KIF19: variants seen among roughly 807,000 people sequenced by gnomAD.
The protein encoded by KIF19 is kinesin family member 19, also known as kinesin-like protein KIF19.
Under a neutral mutation model 106.6 loss-of-function variants are expected in KIF19, and 98 were observed. That is an observed-to-expected ratio of 0.92 (90% confidence interval 0.78 to 1.09). KIF19 has a LOEUF of 1.09. Ranked by LOEUF, KIF19 falls within the 50% of genes least tolerant of loss-of-function variation. The probability of loss-of-function intolerance (pLI) is 0.00; values close to 1 mark genes in which losing one functional copy is unlikely to be tolerated. For synonymous variants in KIF19, 516 were observed against 584.2 expected (o/e 0.88, Z 1.68); for missense variants, 1,373 against 1,414.3 (o/e 0.97, Z 0.47).
intron 17 of KIF19, 94 bp from the exon 18 acceptor site, chr17:74,354,068 G>T: frequency 7.3e-7 from 1 of 1,374,154 alleles, no homozygotes; most frequent in South Asian, 1.4e-5. Context: ...TGAAACCCAG[G>T]AGGTCTGGCT....
At chr17:74,352,675 C>A in intron 14 of KIF19, 146 bp from the exon 15 acceptor site, 1 of 1,012,790 alleles carries the variant, frequency 9.9e-7, no homozygotes. Flanking sequence ...AGCTTAACCC[C>A]GAGGACCCAA....
At position 74,331,109 on chromosome 17, in the gene KIF19, A is replaced by AC. The variant is rs1025214990; in HGVS notation, c.120+2611dup. On this transcript the variant is annotated intron_variant, in intron 2 of 19. Transcript: ENST00000389916. The surrounding 1 kb of genome is among the most constrained non-coding windows in gnomAD (Gnocchi z 4.1). ...AACCCAGGAAGCAAAATGCACATGG[A>AC]CCCCCCCTTACCCTTGTCCCCGACC... 1.6e-4 allele frequency among the ~76,000 whole-genome samples: 24 copies of AC among 151,170 alleles called. No homozygotes were observed. Among genetic ancestry groups the AC allele is most frequent in the African/African-American group, 3.7e-4 (15 of 41,028 alleles).
chr17:74,353,723 T>C (rs1001882298), intron 17 of KIF19, 142 bp downstream of exon 17: 14 of 705,582 alleles, frequency 2.0e-5, no homozygotes, highest in Admixed American at 4.5e-5. Context: ...AGAGGCACCA[T>C]TGCCCCTGAG....
At chr17:74,344,718 C>G in intron 6 of KIF19, 43 bp from the exon 7 acceptor site, 1 of 1,576,352 alleles carries the variant, frequency 6.3e-7, no homozygotes, top group Non-Finnish European at 8.7e-7. Context: ...GCCGGAGCAC[C>G]TACGGCAGTC....
chr17:74,333,195 A>G (rs1420224613), intron 2 of KIF19, among the ~76,000 whole-genome samples: 1 of 151,992 alleles, frequency 6.6e-6, no homozygotes, highest in Non-Finnish European at 1.5e-5. Context: ...GAGCTGGTGG[A>G]GAGTGGCTAG....
intron 2 of KIF19, among the ~76,000 whole-genome samples, chr17:74,336,623 A>G (rs955951146): frequency 6.6e-6 from 1 of 152,088 alleles, no homozygotes; most frequent in Non-Finnish European, 1.5e-5. Flanking sequence ...ACCTCTAACA[A>G]GCGGGTACTC....
At chr17:74,337,190 C>T (rs935474443) in intron 2 of KIF19, among the ~76,000 whole-genome samples, 6 of 152,216 alleles carry the variant, frequency 3.9e-5, no homozygotes, top group Non-Finnish European at 7.3e-5. Context: ...TGGCACCATG[C>T]CTGGCACAAT....
At chr17:74,328,778 C>T (rs1323444862) in intron 2 of KIF19, 2 of 343,764 alleles carry the variant, frequency 5.8e-6, no homozygotes, top group African/African-American at 2.1e-5. Context: ...CTTGACTTTC[C>T]CACCCTAATA....
At chr17:74,350,604 C>T in intron 11 of KIF19, 29 bp downstream of exon 11, 1 of 1,610,658 alleles carries the variant, frequency 6.2e-7, no homozygotes. Context: ...ACCCTCCAGG[C>T]CCCACCCCTG....
rs1293026724 is a variant in KIF19, at chr17:74,354,886, G to A, written c.2811G>A (p.Leu937=). 1.3e-6 allele frequency: 2 copies of A among 1,570,478 alleles called. No individual in the cohort carries two copies. The highest frequency in any genetic ancestry group is 2.7e-5 in the African/African-American group (2 of 73,762). Reference sequence around the variant, plus strand: ...ACCCAGCCCCTGGTATCCGGCATCTGGGAAAGGTCACGCTACCTTTGGCCA... The same window carrying A: ...ACCCAGCCCCTGGTATCCGGCATCTAGGAAAGGTCACGCTACCTTTGGCCA... ...CRHPAPGIRH[L]GKVTLPLAKV... The change falls in exon 19 of 20, where the codon CTG becomes CTA. Residue 937 remains leucine, a synonymous_variant. Transcript: ENST00000389916.
At chr17:74,332,179 A>AGT (rs1270595840) in intron 2 of KIF19, among the ~76,000 whole-genome samples, 34 of 117,796 alleles carry the variant, frequency 2.9e-4, no homozygotes, top group East Asian at 9.3e-4. Flanking sequence ...TGAACACCTC[A>AGT]GTGTGTGTGT....
At position 74,341,898 on chromosome 17, in the gene KIF19, T is replaced by G. The variant is rs142434865; in HGVS notation, c.143T>G (p.Met48Arg). ...DEQMVVLMDP[M>R]EDPDDILRAH... ...CAGATGGTGGTTCTCATGGACCCAA[T>G]GGAGGATCCCGACGACATCCTGCGG... Residue 48 changes from methionine (M) to arginine (R), a missense_variant, in exon 3 of 20, where the codon ATG becomes AGG. Physicochemically the swap from Met to Arg is moderately conservative, Grantham distance 91. Transcript: ENST00000389916. The G allele has an allele frequency of 4.4e-4, 705 of 1,613,662 alleles. 1 individual carries two copies. Among genetic ancestry groups the G allele is most frequent in the Non-Finnish European group, 5.7e-4 (677 of 1,179,776 alleles).
chr17:74,327,404 G>A (rs73995238), intron 1 of KIF19, among the ~76,000 whole-genome samples: 7,207 of 152,328 alleles, frequency 0.047, 472 homozygotes, highest in African/African-American at 0.15. Context: ...CCCGCCAGTG[G>A]AATTTGGCTG....
At chr17:74,344,383 A>G (rs1447162717) in intron 6 of KIF19, 35 bp downstream of exon 6, 6 of 1,604,764 alleles carry the variant, frequency 3.7e-6, no homozygotes, top group African/African-American at 1.3e-5. Flanking sequence ...AGCCGCTGAG[A>G]GGAAGCTCAC....
intron 1 of KIF19, among the ~76,000 whole-genome samples, chr17:74,327,579 T>C (rs1355217502): frequency 6.6e-6 from 1 of 152,200 alleles, no homozygotes; most frequent in Non-Finnish European, 1.5e-5. Context: ...TTCAAGCGAT[T>C]CTCCTGCTTC....
At chr17:74,335,799 G>A (rs877791) in intron 2 of KIF19, among the ~76,000 whole-genome samples, 3 of 152,230 alleles carry the variant, frequency 2.0e-5, no homozygotes, top group South Asian at 2.1e-4. Context: ...TCCCCGGGGG[G>A]GCTGTGAGAG....
At chr17:74,351,218 C>G (rs1440551480) in intron 12 of KIF19, 1 of 378,150 alleles carries the variant, frequency 2.6e-6, no homozygotes, top group Non-Finnish European at 5.0e-6. Context: ...CACAGTGACT[C>G]ACACCTGTAA....
chr17:74,340,104 G>A (rs1488217537), intron 2 of KIF19, among the ~76,000 whole-genome samples: 1 of 152,178 alleles, frequency 6.6e-6, no homozygotes, highest in Non-Finnish European at 1.5e-5. Context: ...GGATCATGCT[G>A]CTGTCCCATC....
intron 3 of KIF19, 27 bp downstream of exon 3, chr17:74,342,013 C>T (rs370470882): frequency 1.3e-5 from 19 of 1,447,308 alleles, no homozygotes; most frequent in African/African-American, 8.0e-5. Context: ...GCTGGAGACA[C>T]GCAGGAGCCC....
Sources: allele counts gnomAD v4.1 joint callset (sites outside exome capture counted in the v4.1 genomes callset), GRCh38; gene constraint gnomAD v4.1.1; non-coding constraint Gnocchi (gnomAD v3.1); transcripts MANE v1.5; gene names NCBI Gene and HGNC (gene_info 2026-07-23, HGNC 2026-07-21).